The following ZSWIM6 variants were observed in gnomAD, a reference collection of about 807,000 sequenced individuals.
The protein encoded by ZSWIM6 is zinc finger SWIM domain-containing protein 6.
Under a neutral mutation model 113.2 loss-of-function variants are expected in ZSWIM6, and 9 were observed. The observed-to-expected ratio is 0.08, with a 90% CI of 0.05 to 0.14. ZSWIM6 has a LOEUF of 0.14. Ranked by LOEUF, ZSWIM6 falls within the 10% of genes least tolerant of loss-of-function variation. The probability of loss-of-function intolerance (pLI) is 1.00; values close to 1 mark genes in which losing one functional copy is unlikely to be tolerated. For synonymous variants in ZSWIM6, 611 were observed against 606.5 expected (o/e 1.01, Z -0.11); for missense variants, 1,162 against 1,552.2 (o/e 0.75, Z 4.22).
chr5:61,344,132 T>G (rs1015719818), intron 1 of ZSWIM6, among the ~76,000 whole-genome samples: 2 of 152,176 alleles, frequency 1.3e-5, no homozygotes, highest in African/African-American at 4.8e-5. Flanking sequence ...TGCCCTCAGG[T>G]GATCCATCCA....
intron 1 of ZSWIM6, among the ~76,000 whole-genome samples, chr5:61,464,216 C>G (rs2112172301): frequency 8.9e-6 from 1 of 112,528 alleles, no homozygotes; most frequent in South Asian, 3.2e-4. Flanking sequence ...GATGAGGTAT[C>G]TCCATGTTGG....
intron 1 of ZSWIM6, among the ~76,000 whole-genome samples, chr5:61,356,128 C>T (rs1357741533): frequency 6.6e-6 from 1 of 152,108 alleles, no homozygotes; most frequent in Admixed American, 6.6e-5. Flanking sequence ...AGAGATGGAG[C>T]CTTGCTCTGT....
intron 1 of ZSWIM6, chr5:61,391,381 G>A: frequency 1.2e-6 from 1 of 844,998 alleles, no homozygotes; most frequent in Non-Finnish European, 2.1e-6. Flanking sequence ...CTGGGTGTAG[G>A]CAATGATGCA....
chr5:61,404,037 T>C (rs1745995142), intron 1 of ZSWIM6, among the ~76,000 whole-genome samples: 2 of 151,296 alleles, frequency 1.3e-5, no homozygotes, highest in Non-Finnish European at 2.9e-5. Context: ...AGACGGAGTC[T>C]CGCTCTGCCG....
chr5:61,413,111 T>C (rs1226860107), intron 1 of ZSWIM6, among the ~76,000 whole-genome samples: 4 of 151,722 alleles, frequency 2.6e-5, no homozygotes, highest in Non-Finnish European at 5.9e-5. Context: ...CATGCTGGTG[T>C]GCTGCACCCA....
chr5:61,398,921 T>TTG (rs1280908551), intron 1 of ZSWIM6, among the ~76,000 whole-genome samples: 3 of 135,320 alleles, frequency 2.2e-5, no homozygotes, highest in African/African-American at 8.2e-5. Flanking sequence ...TGTTTTTTTT[T>TTG]TTTTTTTTTT....
At chr5:61,443,768 T>C (rs1217647881) in intron 1 of ZSWIM6, among the ~76,000 whole-genome samples, 1 of 152,178 alleles carries the variant, frequency 6.6e-6, no homozygotes, top group East Asian at 1.9e-4. Context: ...TCCTACATTT[T>C]TTCCCTGCAG....
At chr5:61,516,406 C>T (rs1469706001) in intron 4 of ZSWIM6, among the ~76,000 whole-genome samples, 2 of 146,434 alleles carry the variant, frequency 1.4e-5, no homozygotes, top group East Asian at 2.0e-4. Flanking sequence ...TAATATTTTG[C>T]CATGTTAAAT....
In ZSWIM6 at chr5:61,535,360, A is replaced by G. The variant is rs138575483; in HGVS notation, c.2246-124A>G. 388 of 1,177,232 alleles carry G rather than the reference A, an allele frequency of 3.3e-4. 6 individuals are homozygous for G. In the East Asian group the frequency reaches 9.9e-3, roughly 30 times the overall value. The allele number at this position is 1,177,232 out of a possible 1,614,324, so 72.9% of individuals were successfully genotyped here. A position where few individuals can be genotyped will look rare whatever the true frequency, so the allele number is the denominator to read the frequency against. ...GATTAAGGATTATATTCCTTTCTAT[A>G]TCATTTACTTGAAATTCTTATTTGT... On this transcript the variant is annotated intron_variant, in intron 9 of 13. Coordinates refer to ENST00000252744, the MANE Select transcript of ZSWIM6 (RefSeq NM_020928.2).
chr5:61,334,021 C>G (rs1361352057), intron 1 of ZSWIM6, among the ~76,000 whole-genome samples: 1 of 152,186 alleles, frequency 6.6e-6, no homozygotes, highest in Non-Finnish European at 1.5e-5. Flanking sequence ...TTTTTTGTGC[C>G]CCTTTCAGTT....
chr5:61,373,466 C>T (rs1397693355), intron 1 of ZSWIM6, among the ~76,000 whole-genome samples: 1 of 151,380 alleles, frequency 6.6e-6, no homozygotes, highest in African/African-American at 2.4e-5. Flanking sequence ...CAAGCTCCGC[C>T]TCCCCGGTAC....
chr5:61,429,892 T>C (rs1468308495), intron 1 of ZSWIM6, among the ~76,000 whole-genome samples: 1 of 152,222 alleles, frequency 6.6e-6, no homozygotes, highest in Non-Finnish European at 1.5e-5. Context: ...GGGGCAGATC[T>C]GCATGAAGTG....
chr5:61,401,749 A>G (rs1318076861), intron 1 of ZSWIM6, among the ~76,000 whole-genome samples: 3 of 152,202 alleles, frequency 2.0e-5, no homozygotes, highest in Admixed American at 6.5e-5. Flanking sequence ...TCTTTGTAAT[A>G]TAATTTACTT....
chr5:61,510,817 C>A (rs1311775557), intron 4 of ZSWIM6, among the ~76,000 whole-genome samples: 1 of 152,100 alleles, frequency 6.6e-6, no homozygotes, highest in Admixed American at 6.6e-5. Context: ...ACCAGTAGTA[C>A]CTGACTAGGT....
At chr5:61,517,774 TTTAA>T (rs961374221) in intron 4 of ZSWIM6, among the ~76,000 whole-genome samples, 30 of 150,442 alleles carry the variant, frequency 2.0e-4, no homozygotes, top group South Asian at 8.4e-4. Context: ...TTTTTAATTA[TTTAA>T]TTATTTATTT....
At chr5:61,388,030 T>A (rs1162376754) in intron 1 of ZSWIM6, among the ~76,000 whole-genome samples, 1 of 142,424 alleles carries the variant, frequency 7.0e-6, no homozygotes, top group Admixed American at 7.3e-5. Context: ...TTGCCCAGGC[T>A]GGAGTGCAGT....
chr5:61,359,927 A>G (rs757216897), intron 1 of ZSWIM6, among the ~76,000 whole-genome samples: 1 of 152,050 alleles, frequency 6.6e-6, no homozygotes, highest in Non-Finnish European at 1.5e-5. Context: ...GGTTATAGTG[A>G]TGTTGAAAGG....
intron 1 of ZSWIM6, among the ~76,000 whole-genome samples, chr5:61,428,987 T>C (rs968598507): frequency 6.6e-6 from 1 of 152,206 alleles, no homozygotes; most frequent in Admixed American, 6.5e-5. Context: ...ACTACCATTG[T>C]TATAAAACAG....
intron 1 of ZSWIM6, among the ~76,000 whole-genome samples, chr5:61,408,642 A>T (rs1746088416): frequency 6.6e-6 from 1 of 152,370 alleles, no homozygotes; most frequent in East Asian, 1.9e-4. Flanking sequence ...AGAAGGGGTT[A>T]AAGGTGTGAT....
Sources: allele counts gnomAD v4.1 joint callset (sites outside exome capture counted in the v4.1 genomes callset), GRCh38; gene constraint gnomAD v4.1.1; transcripts MANE v1.5; gene names NCBI Gene and HGNC (gene_info 2026-07-23, HGNC 2026-07-21).